The following NLRP2 variants were observed in gnomAD, a reference collection of about 807,000 sequenced individuals.
NLRP2 encodes NLR family pyrin domain containing 2.
Under a neutral mutation model 97.2 loss-of-function variants are expected in NLRP2, and 107 were observed. The observed-to-expected ratio is 1.10, with a 90% CI of 0.94 to 1.29. NLRP2 has a LOEUF of 1.29. Among genes scored for constraint, NLRP2 ranks in the 50% most tolerant of loss-of-function variants. The pLI, the probability that NLRP2 is intolerant of heterozygous loss-of-function variation, is 0.00. For missense variants in NLRP2, 1,495 were observed against 1,330.3 expected (o/e 1.12, Z -1.93); for synonymous variants, 663 against 551.5 (o/e 1.20, Z -2.83).
At chr19:54,966,673 GTAGCTGAGAC>G (rs1361524590) in intron 1 of NLRP2, among the ~76,000 whole-genome samples, 1 of 151,884 alleles carries the variant, frequency 6.6e-6, no homozygotes, top group Non-Finnish European at 1.5e-5. Context: ...AGCCTCCCGA[GTAGCTGAGAC>G]TACAGGCACC....
At chr19:54,979,690 C>G (rs77706420) in intron 4 of NLRP2, among the ~76,000 whole-genome samples, 5,762 of 152,076 alleles carry the variant, frequency 0.038, 369 homozygotes, top group African/African-American at 0.13. Context: ...CTTGCTATGG[C>G]TCTGTATAAT....
chr19:55,000,538 A>G (rs1214732899), intron 12 of NLRP2, among the ~76,000 whole-genome samples: 1 of 150,372 alleles, frequency 6.7e-6, no homozygotes, highest in Non-Finnish European at 1.5e-5. Flanking sequence ...TCAGCCTCCT[A>G]AAGTGCTGGG....
intron 5 of NLRP2, 106 bp from the exon 6 acceptor site, chr19:54,982,054 AGG>A: frequency 7.2e-7 from 1 of 1,397,940 alleles, no homozygotes; most frequent in Middle Eastern, 2.4e-4. Context: ...CTGGGATTAC[AGG>A]CATGAGCCAC....
intron 3 of NLRP2, among the ~76,000 whole-genome samples, chr19:54,974,863 G>A (rs1443857858): frequency 1.3e-5 from 2 of 151,968 alleles, no homozygotes; most frequent in Admixed American, 6.6e-5. Context: ...GCAGTGGTAC[G>A]ACCTCGGCTG....
chr19:54,971,977 T>A (rs1030507772), intron 2 of NLRP2, among the ~76,000 whole-genome samples: 1 of 146,412 alleles, frequency 6.8e-6, no homozygotes, highest in South Asian at 2.1e-4. Context: ...TACAAGCATG[T>A]CCCACCATGC....
At chr19:54,976,409 TG>T (rs1411909031) in intron 3 of NLRP2, among the ~76,000 whole-genome samples, 2 of 150,890 alleles carry the variant, frequency 1.3e-5, no homozygotes, top group South Asian at 2.1e-4. Flanking sequence ...TGGAGTGCAG[TG>T]GTACAATCTC....
rs1385502025 is a variant in NLRP2 at position 54,970,046 on chromosome 19, C to T, written c.31C>T (p.Leu11=). 1.9e-6 allele frequency: 3 copies of T among 1,613,902 alleles called. No individual in the cohort carries two copies. The African/African-American group carries it at 4.0e-5, about 22-fold the overall frequency. The part of the protein sequence containing the change: MVSSAQMGFN[L]QALLEQLSQD... ...GTCTTCGGCGCAGATGGGCTTCAAC[C>T]TGCAGGCTCTCCTGGAGCAGCTCAG... Residue 11 remains leucine (L), a synonymous_variant, in exon 2 of 13, where the codon CTG becomes TTG. Transcript: ENST00000448584.
rs1367554037 is a variant in NLRP2 at position 54,990,047 on chromosome 19, C to T, written c.2392C>T (p.Gln798Ter). 4 of 1,614,078 alleles carry T rather than the reference C, an allele frequency of 2.5e-6. No individual in the cohort carries two copies. The highest frequency in any genetic ancestry group is 3.4e-6 in the Non-Finnish European group (4 of 1,180,030). The change falls in exon 9 of 13, where the codon CAG (glutamine) becomes TAG (stop). Residue 798 changes from glutamine to a stop codon, truncating the protein, a stop_gained. Coordinates refer to ENST00000448584, the MANE Select transcript of NLRP2 (RefSeq NM_017852.5). LOFTEE classifies it high-confidence loss of function. The part of the protein sequence containing the change: ...LGLVSCSATT[Q>*]QWADLSLALE... ...GTTGGTGTCTTGTTCCGCTACCACT[C>T]AGCAGTGGGCTGATCTCTCCTTGGC...
At chr19:54,975,106 GTTTTTTTTTTTTTTTTTTTTTTTTTTTT>G (rs558518586) in intron 3 of NLRP2, among the ~76,000 whole-genome samples, 5 of 58,674 alleles carry the variant, frequency 8.5e-5, no homozygotes, top group South Asian at 6.6e-4. Context: ...ACCCGGTTTT[GTTTTTTTTTTTTTTTTTTTTTTTTTTTT>G]TTTTTTTTTG....
chr19:54,997,124 G>C (rs2072871844), intron 11 of NLRP2, among the ~76,000 whole-genome samples, 193 bp from the exon 12 acceptor site: 2 of 152,150 alleles, frequency 1.3e-5, no homozygotes, highest in South Asian at 4.1e-4. Context: ...GGTTGGTCTT[G>C]AACTCCTTGA....
chr19:54,992,971 A>G (rs1217452683), intron 10 of NLRP2, among the ~76,000 whole-genome samples: 2 of 151,982 alleles, frequency 1.3e-5, no homozygotes, highest in Non-Finnish European at 2.9e-5. Flanking sequence ...AAGGCCGGGT[A>G]GGGTCTTTGA....
At chr19:54,977,881 C>T (rs2071346396) in intron 4 of NLRP2, 58 bp downstream of exon 4, 20 of 1,469,184 alleles carry the variant, frequency 1.4e-5, no homozygotes, top group Non-Finnish European at 1.8e-5. Flanking sequence ...GTTCTTGCTG[C>T]TATCTCCTGT....
At position 54,968,459 on chromosome 19, in the gene NLRP2, G is replaced by A. The variant is rs1044047955; in HGVS notation, c.-17-1540G>A. 2.0e-4 allele frequency among the ~76,000 whole-genome samples: 30 copies of A among 151,400 alleles called. 1 individual carries two copies. Among genetic ancestry groups the A allele is most frequent in the Admixed American group, 7.3e-4 (11 of 15,104 alleles). ...CCCACCTCAGCCTCCTCAGTAGCTG[G>A]GACTACAGGTGCATGCCACTATGCC... On this transcript the variant is annotated intron_variant, in intron 1 of 12. Transcript: ENST00000448584.
rs61515967 is a variant in NLRP2 at position 54,977,487 on chromosome 19, T to TTGTGTGTGTG, written c.326-237_326-228dup. ...TCCAGTGGCCTTATGCGTGAGTAGTTTGTGTGTGTGTGTGTGTGTGTGTGT... is the reference window on the plus strand; with the variant it reads ...TCCAGTGGCCTTATGCGTGAGTAGTTTGTGTGTGTGTGTGTGTGTGTGTGTGTGTGTGTGT... On this transcript the variant is annotated intron_variant, in intron 3 of 12. Transcript: ENST00000448584. Among the ~76,000 whole-genome samples, 715 of 147,526 alleles carry TTGTGTGTGTG rather than the reference T, an allele frequency of 4.8e-3. 2 individuals are homozygous for TTGTGTGTGTG. Among genetic ancestry groups the TTGTGTGTGTG allele is most frequent in the South Asian group, 0.012 (53 of 4,600 alleles).
chr19:54,971,841 C>G (rs953618350), intron 2 of NLRP2, among the ~76,000 whole-genome samples: 10 of 147,794 alleles, frequency 6.8e-5, no homozygotes, highest in African/African-American at 1.9e-4. Context: ...TTATTTAACT[C>G]TTCTTGAGAG....
Position 54,982,944 on chromosome 19 carries a change from G to A in NLRP2, c.1246G>A (p.Glu416Lys). ...TTLKLQMEKGEDPVPTCLTRT... is the reference protein window; with the variant it reads ...TTLKLQMEKGKDPVPTCLTRT... ...TCTGAAGCTGCAGATGGAGAAGGGGGAGGACCCGGTCCCCACCTGCCTCAC... is the reference window on the plus strand; with the variant it reads ...TCTGAAGCTGCAGATGGAGAAGGGGAAGGACCCGGTCCCCACCTGCCTCAC... The change falls in exon 6 of 13, where the codon GAG (glutamate) becomes AAG (lysine). Residue 416 changes from glutamate (E) to lysine (K), a missense_variant. Glu to Lys is a moderately conservative substitution (Grantham distance 56). Transcript: ENST00000448584. The A allele has an allele frequency of 1.2e-6, 2 of 1,612,680 alleles. No individual in the cohort carries two copies. The highest frequency in any genetic ancestry group is 1.9e-4 in the Middle Eastern group (1 of 5,206).
intron 2 of NLRP2, among the ~76,000 whole-genome samples, chr19:54,971,281 T>TA (rs1279797281): frequency 6.7e-6 from 1 of 149,848 alleles, no homozygotes; most frequent in Non-Finnish European, 1.5e-5. Context: ...GCAATAAACA[T>TA]ACGTGTGCAT....
intron 10 of NLRP2, among the ~76,000 whole-genome samples, chr19:54,991,830 G>T (rs910338595): frequency 2.7e-5 from 4 of 146,596 alleles, no homozygotes; most frequent in African/African-American, 5.1e-5. Flanking sequence ...GCCAGCCTGG[G>T]TGACAGAACG....
At chr19:54,987,739 C>CAAAAA (rs146853071) in intron 8 of NLRP2, among the ~76,000 whole-genome samples, 1 of 120,234 alleles carries the variant, frequency 8.3e-6, no homozygotes, top group Non-Finnish European at 1.8e-5. Context: ...GAGACTGTCT[C>CAAAAA]AAAAAAAAAA....
Sources: gnomAD v4.1 joint callset for allele counts (sites outside exome capture counted in the v4.1 genomes callset) on GRCh38, gnomAD v4.1.1 for gene constraint, MANE v1.5 for transcripts, NCBI Gene and HGNC (gene_info 2026-07-23, HGNC 2026-07-21) for gene names.